The following RPAP2 variants were observed in gnomAD, a reference collection of about 807,000 sequenced individuals.
RPAP2 encodes RNA polymerase II associated protein 2, also known as putative RNA polymerase II subunit B1 CTD phosphatase RPAP2.
In RPAP2, 52 loss-of-function variants were observed where a neutral mutation model predicts 73.1. The ratio of observed to expected loss-of-function variants is 0.71; its 90% CI spans 0.57 to 0.90. The LOEUF (loss-of-function observed/expected upper bound fraction) is 0.90, where lower values mean the gene tolerates loss of function less well. RPAP2 is among the 40% of genes least tolerant of loss of function. The probability of loss-of-function intolerance (pLI) is 0.00; values close to 1 mark genes in which losing one functional copy is unlikely to be tolerated. For synonymous variants in RPAP2, 225 were observed against 242.1 expected, an observed-to-expected ratio of 0.93 and a Z score of 0.65; for missense variants, 598 against 701.8, an observed-to-expected ratio of 0.85 and a Z score of 1.67.
At position 92,336,356 on chromosome 1, in the gene RPAP2, G is replaced by A. The variant is rs147117321; in HGVS notation, c.1548G>A (p.Gly516=). ...VLEKLSKVLP[G]LLVPLQITLG... is the part of the protein sequence containing the mutation. Reference sequence around the variant, plus strand: ...ATTTTTAAATTTTCAGGTTGCCTGGGCTTCTGGTTCCTCTTCAGATTACAT... The same window carrying A: ...ATTTTTAAATTTTCAGGTTGCCTGGACTTCTGGTTCCTCTTCAGATTACAT... The change falls in exon 10 of 13, where the codon GGG becomes GGA. Residue 516 remains glycine, a synonymous_variant. Coordinates refer to ENST00000610020, the MANE Select transcript of RPAP2 (RefSeq NM_024813.3). The A allele has an allele frequency of 3.1e-6, 5 of 1,604,004 alleles. No individual in the cohort carries two copies. Among genetic ancestry groups the A allele is most frequent in the Non-Finnish European group, 4.3e-6 (5 of 1,176,156 alleles).
rs1553157783 is a variant in RPAP2, at chr1:92,395,852, A to G, written c.*8841A>G. The G allele has an allele frequency of 6.6e-6, 1 of 152,210 alleles. No homozygotes were observed. Among genetic ancestry groups the G allele is most frequent in the Non-Finnish European group, 1.5e-5 (1 of 68,046 alleles). 9.4% of individuals were successfully genotyped at this position (152,210 alleles called of 1,614,324 possible). A position where few individuals can be genotyped will look rare whatever the true frequency, so the allele number is the denominator to read the frequency against. ...TTGCTTAGCATATGAAGAGATGTGT[A>G]CTATCACTAGTCATTAGGAAAATAC... On this transcript the variant is annotated 3_prime_UTR_variant, in exon 13 of 13. Coordinates refer to ENST00000610020, the MANE Select transcript of RPAP2 (RefSeq NM_024813.3).
chr1:92,300,388 T>A, intron 2 of RPAP2, 149 bp downstream of exon 2: 1 of 644,278 alleles, frequency 1.6e-6, no homozygotes, highest in Non-Finnish European at 2.7e-6. Context: ...CTATAAATTC[T>A]CACATAGACT....
chr1:92,305,432 C>CAAAAAAAAAAAAAAAAAAAAAAAAA lies in RPAP2; in HGVS notation c.399+1102_399+1103insAAAAAAAAAAAAAAAAAAAAAAAAA, dbSNP rs71091273. ...GGGGCAACAGAGTGAGGCTCCGTCTCAAAAAAAAAAAAAAAAAAAGACAAT... is the reference window on the plus strand; with the variant it reads ...GGGGCAACAGAGTGAGGCTCCGTCTCAAAAAAAAAAAAAAAAAAAAAAAAAAAAAAAAAAAAAAAAAAAAGACAAT... On this transcript the variant is annotated intron_variant, in intron 5 of 12. Transcript: ENST00000610020. Among the ~76,000 whole-genome samples, 49 of 52,670 alleles carry CAAAAAAAAAAAAAAAAAAAAAAAAA rather than the reference C, an allele frequency of 9.3e-4. 1 individual carries two copies. Among genetic ancestry groups the CAAAAAAAAAAAAAAAAAAAAAAAAA allele is most frequent in the East Asian group, 5.5e-3 (4 of 724 alleles). The allele number at this position is 52,670 out of a possible 152,430, so 34.6% of individuals were successfully genotyped here.
chr1:92,376,030 A>G (rs768725394), intron 11 of RPAP2, among the ~76,000 whole-genome samples: 5 of 151,724 alleles, frequency 3.3e-5, no homozygotes, highest in Non-Finnish European at 5.9e-5. Flanking sequence ...TAAAATATTC[A>G]GGGAAAGAAA....
At chr1:92,365,083 A>G (rs142638247) in intron 11 of RPAP2, among the ~76,000 whole-genome samples, 1 of 152,262 alleles carries the variant, frequency 6.6e-6, no homozygotes, top group Admixed American at 6.5e-5. Context: ...ATATCTGCCT[A>G]TTCTAGCCTT....
intron 6 of RPAP2, among the ~76,000 whole-genome samples, chr1:92,318,298 C>T (rs895772580): frequency 6.6e-6 from 1 of 152,184 alleles, no homozygotes; most frequent in Non-Finnish European, 1.5e-5. Context: ...GTCCTCTTAG[C>T]ATCCCTGGGG....
chr1:92,304,672 T>C (rs959853937), intron 5 of RPAP2, among the ~76,000 whole-genome samples: 5 of 152,220 alleles, frequency 3.3e-5, no homozygotes, highest in African/African-American at 7.2e-5. Context: ...ACACTTGATA[T>C]ATGACAGCGG....
chr1:92,388,190 A>C lies in RPAP2; in HGVS notation c.*1179A>C, dbSNP rs547358554. The stretch of plus-strand genomic sequence containing the variant: ...TTCACAATATCACCAAAGAGAATTA[A>C]ATACTTAGGAATAAATTTAACAAAA... On this transcript the variant is annotated 3_prime_UTR_variant, in exon 13 of 13. Coordinates refer to ENST00000610020, the MANE Select transcript of RPAP2 (RefSeq NM_024813.3). The C allele has an allele frequency of 1.3e-5, 2 of 152,350 alleles. No individual in the cohort carries two copies. The highest frequency in any genetic ancestry group is 3.9e-4 in the East Asian group (2 of 5,190). The allele number at this position is 152,350 out of a possible 1,614,324, so 9.4% of individuals were successfully genotyped here.
At chr1:92,354,643 CATTTT>C (rs1281867135) in intron 11 of RPAP2, among the ~76,000 whole-genome samples, 5 of 151,986 alleles carry the variant, frequency 3.3e-5, no homozygotes, top group African/African-American at 1.2e-4. Flanking sequence ...ATAAGAAAAA[CATTTT>C]ATTTTATTTG....
chr1:92,376,250 T>C (rs979871687), intron 11 of RPAP2, among the ~76,000 whole-genome samples: 53 of 152,244 alleles, frequency 3.5e-4, no homozygotes, highest in African/African-American at 1.3e-3. Flanking sequence ...AGAATTTGAT[T>C]TCCATGGGAG....
At position 92,387,091 on chromosome 1, in the gene RPAP2, T is replaced by C; in HGVS notation, c.*80T>C. The C allele has an allele frequency of 7.1e-7, 1 of 1,401,754 alleles. No individual in the cohort carries two copies. Among genetic ancestry groups the C allele is most frequent in the African/African-American group, 1.4e-5 (1 of 69,808 alleles). The allele number at this position is 1,401,754 out of a possible 1,614,324, so 86.8% of individuals were successfully genotyped here. ...TCTAGCCGCCATGATGGTCTGGTGG[T>C]GACTGATAACTAGTTTTATTCCAAG... On this transcript the variant is annotated 3_prime_UTR_variant, in exon 13 of 13. Transcript: ENST00000610020.
At chr1:92,336,264 T>TG in intron 9 of RPAP2, 83 bp from the exon 10 acceptor site, 1 of 848,696 alleles carries the variant, frequency 1.2e-6, no homozygotes, top group Non-Finnish European at 1.9e-6. Context: ...TTATTAGCTA[T>TG]GGAAAATTCA....
chr1:92,345,560 C>G (rs1164435828), intron 10 of RPAP2, among the ~76,000 whole-genome samples: 3 of 151,698 alleles, frequency 2.0e-5, no homozygotes, highest in African/African-American at 7.3e-5. Flanking sequence ...TTTAATCAAG[C>G]AATTTAGTTT....
intron 2 of RPAP2, 23 bp from the exon 3 acceptor site, chr1:92,301,453 T>G (rs750486957): frequency 2.0e-5 from 26 of 1,281,214 alleles, no homozygotes; most frequent in Non-Finnish European, 2.7e-5. Flanking sequence ...TTAAGTAGAT[T>G]AAGTTTCTCT....
chr1:92,333,223 C>A, intron 8 of RPAP2, 168 bp from the exon 9 acceptor site: 1 of 575,772 alleles, frequency 1.7e-6, no homozygotes, highest in Non-Finnish European at 3.1e-6. Flanking sequence ...TTCACAACAG[C>A]CTAACAACTG....
chr1:92,396,743 C>T lies in RPAP2; in HGVS notation c.*9732C>T, dbSNP rs1333095891. 6.6e-6 allele frequency: 1 copy of T among 152,348 alleles called. No homozygotes were observed. Among genetic ancestry groups the T allele is most frequent in the African/African-American group, 2.4e-5 (1 of 41,412 alleles). 9.4% of individuals were successfully genotyped at this position (152,348 alleles called of 1,614,324 possible). ...ACAACCTCCGCCTCCTGGGTTGAAG[C>T]ATTTCTCCTGCCTCAGCTTCCTGAG... On this transcript the variant is annotated 3_prime_UTR_variant, in exon 13 of 13. Coordinates refer to ENST00000610020, the MANE Select transcript of RPAP2 (RefSeq NM_024813.3).
intron 11 of RPAP2, among the ~76,000 whole-genome samples, chr1:92,368,634 T>TA (rs1295849785): frequency 6.6e-6 from 1 of 152,194 alleles, no homozygotes; most frequent in Non-Finnish European, 1.5e-5. Flanking sequence ...AACTTTTAAT[T>TA]AAAAATCTCT....
intron 11 of RPAP2, chr1:92,363,829 TTATTA>T (rs1175553080): frequency 1.5e-5 from 4 of 259,328 alleles, no homozygotes; most frequent in Non-Finnish European, 2.3e-5. Flanking sequence ...CTAGCTTACT[TTATTA>T]TAAGGATCTA....
rs375061548 is a variant in RPAP2, at chr1:92,380,134, C to T, written c.1689-590C>T. ...CTCTACCAAAAAAACGAAAATTAGC[C>T]GGGCGTGGTGGCAAGCACCTATAAT... On this transcript the variant is annotated intron_variant, in intron 11 of 12. Coordinates refer to ENST00000610020, the MANE Select transcript of RPAP2 (RefSeq NM_024813.3). 6.6e-5 allele frequency among the ~76,000 whole-genome samples: 10 copies of T among 151,328 alleles called. No individual in the cohort carries two copies. The East Asian group carries it at 9.8e-4, about 15-fold the overall frequency.
Sources: gnomAD v4.1 joint callset for allele counts (sites outside exome capture counted in the v4.1 genomes callset) on GRCh38, gnomAD v4.1.1 for gene constraint, MANE v1.5 for transcripts, NCBI Gene and HGNC (gene_info 2026-07-23, HGNC 2026-07-21) for gene names.